The following SMIM35 variants were observed in gnomAD, a reference collection of about 807,000 sequenced individuals.
The protein encoded by SMIM35 is small integral membrane protein 35, also known as TMPRSS4 antisense RNA 1 (non-protein coding).
intron 1 of SMIM35, among the ~76,000 whole-genome samples, chr11:118,082,772 A>T (rs1301209953): frequency 6.6e-6 from 1 of 152,164 alleles, no homozygotes; most frequent in African/African-American, 2.4e-5. Context: ...ATTTAAAGAG[A>T]GAATATTATA....
intron 1 of SMIM35, among the ~76,000 whole-genome samples, chr11:118,038,269 T>C (rs1943943126): frequency 6.6e-6 from 1 of 152,248 alleles, no homozygotes. Flanking sequence ...TTATAAACTA[T>C]AAGACACATT....
At chr11:118,082,118 G>A (rs1945181616) in intron 1 of SMIM35, among the ~76,000 whole-genome samples, 1 of 152,198 alleles carries the variant, frequency 6.6e-6, no homozygotes, top group Non-Finnish European at 1.5e-5. Flanking sequence ...GTCTTAAAGA[G>A]AATAATAGCT....
chr11:118,037,423 GGGGAGA>G, intron 1 of SMIM35, among the ~76,000 whole-genome samples: 1 of 152,308 alleles, frequency 6.6e-6, no homozygotes, highest in East Asian at 1.9e-4. Context: ...GTCCTAAGAA[GGGGAGA>G]ATCCAGGGCA....
chr11:118,030,831 G>A (rs1480720723), intron 1 of SMIM35, among the ~76,000 whole-genome samples: 1 of 152,002 alleles, frequency 6.6e-6, no homozygotes, highest in Non-Finnish European at 1.5e-5. Context: ...GATTAGGAGG[G>A]CATCCATGGC....
At chr11:118,083,279 G>A (rs182095724) in intron 1 of SMIM35, among the ~76,000 whole-genome samples, 2 of 152,266 alleles carry the variant, frequency 1.3e-5, no homozygotes, top group Non-Finnish European at 2.9e-5. Context: ...TTTCTCAGAC[G>A]GCCACACACA....
At chr11:118,036,330 C>T (rs747953018) in intron 1 of SMIM35, among the ~76,000 whole-genome samples, 13 of 152,218 alleles carry the variant, frequency 8.5e-5, no homozygotes, top group African/African-American at 1.4e-4. Flanking sequence ...GTGAGTCTGA[C>T]ACTTGGTGAG....
chr11:118,045,112 G>A (rs1361773596), intron 1 of SMIM35, among the ~76,000 whole-genome samples: 1 of 152,074 alleles, frequency 6.6e-6, no homozygotes, highest in African/African-American at 2.4e-5. Context: ...CCAAGGTCCA[G>A]GTTTGGCAAG....
chr11:118,058,132 T>A (rs988139012), intron 1 of SMIM35, among the ~76,000 whole-genome samples: 13 of 152,260 alleles, frequency 8.5e-5, no homozygotes, highest in African/African-American at 3.1e-4. Flanking sequence ...GTAATTGTTT[T>A]AAAAATTTGT....
chr11:118,019,919 C>G (rs1715212756), intron 1 of SMIM35, among the ~76,000 whole-genome samples: 1 of 152,174 alleles, frequency 6.6e-6, no homozygotes, highest in Admixed American at 6.5e-5. Context: ...TCACTGGACA[C>G]TAGACATGTA....
intron 1 of SMIM35, among the ~76,000 whole-genome samples, chr11:118,081,100 T>C (rs573260113): frequency 1.6e-4 from 25 of 152,200 alleles, no homozygotes; most frequent in African/African-American, 6.0e-4. Flanking sequence ...ACTTAGTAAA[T>C]GTGAATGAAT....
chr11:118,063,893 T>G (rs1233667540), intron 1 of SMIM35, among the ~76,000 whole-genome samples: 1 of 152,186 alleles, frequency 6.6e-6, no homozygotes, highest in Non-Finnish European at 1.5e-5. Context: ...GTAATATCCT[T>G]TATAGTAAAC....
chr11:118,017,966 A>G (rs11216683), intron 1 of SMIM35, among the ~76,000 whole-genome samples: 14,601 of 152,226 alleles, frequency 0.096, 968 homozygotes, highest in East Asian at 0.37. Context: ...CCTTCCCACA[A>G]CACATGGGGA....
At chr11:118,045,691 C>T (rs138820828) in intron 1 of SMIM35, among the ~76,000 whole-genome samples, 49 of 152,252 alleles carry the variant, frequency 3.2e-4, no homozygotes, top group African/African-American at 1.2e-3. Flanking sequence ...TGAAACTAGA[C>T]CCATTGGTTT....
chr11:118,069,979 C>G (rs993179573), intron 1 of SMIM35, among the ~76,000 whole-genome samples: 81 of 152,112 alleles, frequency 5.3e-4, no homozygotes, highest in African/African-American at 2.0e-3. Flanking sequence ...GAGAATCACA[C>G]AAACCAGGAA....
At chr11:118,041,043 A>C (rs1943992170) in intron 1 of SMIM35, among the ~76,000 whole-genome samples, 1 of 152,030 alleles carries the variant, frequency 6.6e-6, no homozygotes, top group African/African-American at 2.4e-5. Flanking sequence ...ATTTCTATAC[A>C]TCACTGGTAT....
intron 1 of SMIM35, among the ~76,000 whole-genome samples, chr11:118,066,322 C>A (rs1169177536): frequency 6.6e-6 from 1 of 152,146 alleles, no homozygotes; most frequent in East Asian, 1.9e-4. Flanking sequence ...GGCTGCCCTA[C>A]CCTGGGTTTG....
intron 1 of SMIM35, among the ~76,000 whole-genome samples, chr11:118,026,021 C>G (rs533875318): frequency 1.3e-5 from 2 of 152,272 alleles, no homozygotes; most frequent in East Asian, 3.9e-4. Context: ...GGTTAGCCAG[C>G]TATCCCAGCA....
chr11:118,021,855 T>C (rs7127135), intron 1 of SMIM35, among the ~76,000 whole-genome samples: 5,339 of 152,136 alleles, frequency 0.035, 263 homozygotes, highest in African/African-American at 0.12. Flanking sequence ...TCTCAGCAAT[T>C]GATAGAACAG....
chr11:118,066,285 G>A (rs1172090880), intron 1 of SMIM35, among the ~76,000 whole-genome samples: 5 of 152,026 alleles, frequency 3.3e-5, no homozygotes, highest in East Asian at 3.9e-4. Context: ...CAAGTCCAAC[G>A]TGCATGTGAA....
Sources: allele counts gnomAD v4.1 joint callset (sites outside exome capture counted in the v4.1 genomes callset), GRCh38; gene constraint gnomAD v4.1.1; transcripts MANE v1.5; gene names NCBI Gene and HGNC (gene_info 2026-07-23, HGNC 2026-07-21).